Variants in NALF1 observed in about 807,000 individuals in gnomAD.
NALF1 encodes family with sequence similarity 155 member A.
A neutral mutation model predicts 48.4 loss-of-function variants in NALF1; 3 were observed. That is an observed-to-expected ratio of 0.06 (90% CI 0.03 to 0.16). The LOEUF is 0.16. Among genes scored for constraint, NALF1 ranks in the 10% least tolerant of loss-of-function variants. NALF1 has a pLI of 1.00. For synonymous variants in NALF1, 262 were observed against 245.7 expected, an observed-to-expected ratio of 1.07 and a Z score of -0.62; for missense variants, 526 against 571.5, an observed-to-expected ratio of 0.92 and a Z score of 0.81.
At chr13:107,269,627 A>G (rs1881113772) in intron 1 of NALF1, among the ~76,000 whole-genome samples, 1 of 151,986 alleles carries the variant, frequency 6.6e-6, no homozygotes, top group Admixed American at 6.6e-5. Flanking sequence ...TTTTTTCCCC[A>G]TTATATTGTA....
At chr13:107,204,761 T>A (rs1879599124) in intron 2 of NALF1, among the ~76,000 whole-genome samples, 1 of 152,218 alleles carries the variant, frequency 6.6e-6, no homozygotes. Flanking sequence ...CCGTTTCTTT[T>A]TTGCCTTAAA....
chr13:107,300,719 A>G (rs1881820327), intron 1 of NALF1, among the ~76,000 whole-genome samples: 1 of 152,202 alleles, frequency 6.6e-6, no homozygotes, highest in Non-Finnish European at 1.5e-5. Context: ...ACAGCATCTA[A>G]ATGACAATGA....
intron 1 of NALF1, among the ~76,000 whole-genome samples, chr13:107,835,763 C>G (rs1038832878): frequency 2.0e-5 from 3 of 152,130 alleles, no homozygotes; most frequent in African/African-American, 7.2e-5. Flanking sequence ...ATCCCTGAGG[C>G]TTACTCTGTG....
At position 107,675,274 on chromosome 13, in the gene NALF1, C is replaced by A. The variant is rs75275097; in HGVS notation, c.915+190408G>T. ...TTATCAGCAGGTTTGAGCTTGCCCC[C>A]CACTGGGCTATAGGCTCTGGGGCTG... On this transcript the variant is annotated intron_variant, in intron 1 of 2. Coordinates refer to ENST00000375915, the MANE Select transcript of NALF1 (RefSeq NM_001080396.3). Among the ~76,000 whole-genome samples, 459 of 152,236 alleles carry A rather than the reference C, an allele frequency of 3.0e-3. 4 individuals are homozygous for A. Among genetic ancestry groups the A allele is most frequent in the African/African-American group, 0.011 (451 of 41,514 alleles).
intron 1 of NALF1, among the ~76,000 whole-genome samples, chr13:107,693,747 T>C (rs962996088): frequency 2.0e-5 from 3 of 151,924 alleles, no homozygotes; most frequent in African/African-American, 7.3e-5. Context: ...ATAAAATGTT[T>C]CCCCCTCAAA....
chr13:107,259,393 C>T (rs1411380003), intron 1 of NALF1, among the ~76,000 whole-genome samples: 1 of 152,146 alleles, frequency 6.6e-6, no homozygotes, highest in Admixed American at 6.6e-5. Context: ...TCAGGAAAAA[C>T]CGCAAATGCT....
intron 1 of NALF1, among the ~76,000 whole-genome samples, chr13:107,688,638 T>A (rs1052623801): frequency 4.6e-5 from 7 of 152,200 alleles, no homozygotes; most frequent in Non-Finnish European, 1.0e-4. Flanking sequence ...GACTTCTTTT[T>A]TTCTATATAG....
chr13:107,376,503 T>C (rs918215261), intron 1 of NALF1, among the ~76,000 whole-genome samples: 6 of 152,134 alleles, frequency 3.9e-5, no homozygotes, highest in Admixed American at 1.3e-4. Context: ...CTGAATAAAC[T>C]CAATGAGTAA....
chr13:107,322,534 T>G (rs529319864), intron 1 of NALF1, among the ~76,000 whole-genome samples: 2 of 152,238 alleles, frequency 1.3e-5, no homozygotes, highest in South Asian at 4.1e-4. Context: ...ATACTCCATT[T>G]GTGATTTTCT....
chr13:107,342,493 T>C (rs186911037), intron 1 of NALF1, among the ~76,000 whole-genome samples: 1 of 152,098 alleles, frequency 6.6e-6, no homozygotes, highest in South Asian at 2.1e-4. Context: ...AAAACCTTTA[T>C]GAGAACTCCA....
chr13:107,319,653 G>T (rs978532259), intron 1 of NALF1, among the ~76,000 whole-genome samples: 2 of 152,062 alleles, frequency 1.3e-5, no homozygotes, highest in Non-Finnish European at 2.9e-5. Context: ...TATAAGGTAG[G>T]TTCTAATACT....
At chr13:107,358,542 T>C (rs888619377) in intron 1 of NALF1, among the ~76,000 whole-genome samples, 4 of 152,196 alleles carry the variant, frequency 2.6e-5, no homozygotes, top group African/African-American at 9.7e-5. Context: ...TAGAACTGTT[T>C]GGAACACTAG....
At chr13:107,426,472 G>A (rs148394655) in intron 1 of NALF1, among the ~76,000 whole-genome samples, 4 of 152,274 alleles carry the variant, frequency 2.6e-5, no homozygotes, top group East Asian at 3.9e-4. Context: ...GTTAGAGGCC[G>A]TGAGATTTTC....
chr13:107,496,211 A>T (rs145485002), intron 1 of NALF1, among the ~76,000 whole-genome samples: 1 of 152,192 alleles, frequency 6.6e-6, no homozygotes, highest in Admixed American at 6.5e-5. Flanking sequence ...TTGAGATACC[A>T]TCCCATGTGT....
chr13:107,388,395 G>A (rs1883565646), intron 1 of NALF1, among the ~76,000 whole-genome samples: 1 of 152,198 alleles, frequency 6.6e-6, no homozygotes, highest in South Asian at 2.1e-4. Flanking sequence ...TGTAAAAGTA[G>A]TGTGGCCTGG....
chr13:107,360,620 A>G (rs1052662600), intron 1 of NALF1, among the ~76,000 whole-genome samples: 1 of 152,194 alleles, frequency 6.6e-6, no homozygotes, highest in Non-Finnish European at 1.5e-5. Context: ...ATTCTGGATT[A>G]GTTTGAAGTA....
At chr13:107,709,806 C>T (rs771984396) in intron 1 of NALF1, among the ~76,000 whole-genome samples, 2 of 152,148 alleles carry the variant, frequency 1.3e-5, no homozygotes, top group Non-Finnish European at 2.9e-5. Context: ...AATTACAGTG[C>T]TAAGATGACG....
chr13:107,340,625 A>G (rs1019501933), intron 1 of NALF1, among the ~76,000 whole-genome samples: 3 of 151,888 alleles, frequency 2.0e-5, no homozygotes, highest in African/African-American at 4.8e-5. Flanking sequence ...GTGGAATACA[A>G]ATAGAGTCAT....
intron 1 of NALF1, among the ~76,000 whole-genome samples, chr13:107,804,469 C>T: frequency 6.6e-6 from 1 of 151,880 alleles, no homozygotes; most frequent in East Asian, 1.9e-4. Flanking sequence ...TCCTATCCTC[C>T]TCATACCCTC....
Sources: allele counts gnomAD v4.1 joint callset (sites outside exome capture counted in the v4.1 genomes callset), GRCh38; gene constraint gnomAD v4.1.1; transcripts MANE v1.5; gene names NCBI Gene and HGNC (gene_info 2026-07-23, HGNC 2026-07-21).